The following CCNH variants were observed in gnomAD, a reference collection of about 807,000 sequenced individuals.
CCNH encodes cyclin-H.
Under a neutral mutation model 41.9 loss-of-function variants are expected in CCNH, and 31 were observed. The ratio of observed to expected loss-of-function variants is 0.74; its 90% CI spans 0.56 to 1.00. The LOEUF is 1.00. CCNH is among the 50% of genes least tolerant of loss of function. The probability of loss-of-function intolerance (pLI) is 0.00; values close to 1 mark genes in which losing one functional copy is unlikely to be tolerated. For synonymous variants in CCNH, 138 were observed against 136.1 expected (o/e 1.01, Z -0.10); for missense variants, 362 against 388.4 (o/e 0.93, Z 0.57).
At chr5:87,394,993 C>T in intron 8 of CCNH, 51 bp downstream of exon 8, 1 of 1,611,952 alleles carries the variant, frequency 6.2e-7, no homozygotes, top group Non-Finnish European at 8.5e-7. Context: ...ATAGTCACAC[C>T]AGAATGTATA....
intron 9 of CCNH, among the ~76,000 whole-genome samples, chr5:87,333,010 A>C (rs959195259): frequency 1.3e-5 from 2 of 152,140 alleles, no homozygotes; most frequent in African/African-American, 4.8e-5. Context: ...TTCATGTAGT[A>C]TATTTAAAAT....
At chr5:87,332,005 GA>G (rs1238070751) in intron 9 of CCNH, among the ~76,000 whole-genome samples, 1 of 151,850 alleles carries the variant, frequency 6.6e-6, no homozygotes, top group Non-Finnish European at 1.5e-5. Context: ...AGAAGAAATT[GA>G]AAAAAATCAT....
chr5:87,377,348 C>A (rs148788866), upstream of CCNH, among the ~76,000 whole-genome samples: 11 of 152,048 alleles, frequency 7.2e-5, no homozygotes, highest in African/African-American at 9.6e-5. Flanking sequence ...TTTTTATTTT[C>A]TTTTGAGATG....
chr5:87,388,841 A>G (rs1762252246), downstream of CCNH, among the ~76,000 whole-genome samples: 1 of 152,200 alleles, frequency 6.6e-6, no homozygotes, highest in African/African-American at 2.4e-5. Flanking sequence ...GCTGCATTTA[A>G]TCCAGATTAG....
At chr5:87,374,228 A>G (rs376280581), downstream of CCNH, 10 of 1,596,402 alleles carry the variant, frequency 6.3e-6, no homozygotes, top group African/African-American at 2.7e-5. Flanking sequence ...TTACTAATCC[A>G]TATTGTAACA....
chr5:87,386,775 C>G (rs1184264295), downstream of CCNH: 3 of 1,510,112 alleles, frequency 2.0e-6, no homozygotes, highest in East Asian at 2.3e-5. Flanking sequence ...CCTAATAGAT[C>G]AAACAGTGGT....
downstream of CCNH, chr5:87,391,424 G>T (rs1223643868): frequency 8.2e-6 from 2 of 244,004 alleles, no homozygotes; most frequent in South Asian, 1.4e-4. Context: ...AATCTTTGCT[G>T]TATACTTTTA....
chr5:87,403,600 G>A (rs1025475395), intron 5 of CCNH, among the ~76,000 whole-genome samples: 1 of 152,080 alleles, frequency 6.6e-6, no homozygotes, highest in Non-Finnish European at 1.5e-5. Flanking sequence ...GCAGCATAGG[G>A]AAACCCCAAC....
At chr5:87,319,593 G>C (rs1488909299) in intron 9 of CCNH, among the ~76,000 whole-genome samples, 1 of 152,188 alleles carries the variant, frequency 6.6e-6, no homozygotes, top group Non-Finnish European at 1.5e-5. Context: ...TGGAGCTGGA[G>C]TGGCTGGGAT....
chr5:87,383,010 T>C (rs778522858), intron 9 of CCNH, among the ~76,000 whole-genome samples: 2 of 152,066 alleles, frequency 1.3e-5, no homozygotes. Context: ...GAGAATTGTT[T>C]GATCCCAGGG....
At chr5:87,378,422 A>G (rs1297460918), upstream of CCNH, 1 of 1,613,430 alleles carries the variant, frequency 6.2e-7, no homozygotes. Context: ...ATTTCGAGCC[A>G]CAACACTTGC....
downstream of CCNH, among the ~76,000 whole-genome samples, chr5:87,316,589 C>T (rs138133487): frequency 1.7e-3 from 254 of 152,196 alleles, 1 homozygote; most frequent in African/African-American, 5.9e-3. Context: ...AGACCTGTCC[C>T]ACAGAGACTT....
chr5:87,410,670 C>T (rs1764164057), intron 2 of CCNH, among the ~76,000 whole-genome samples: 1 of 152,130 alleles, frequency 6.6e-6, no homozygotes, highest in Non-Finnish European at 1.5e-5. Flanking sequence ...TTTTTAATCT[C>T]AGCTACCTGT....
downstream of CCNH, chr5:87,391,075 C>A: frequency 1.5e-6 from 1 of 666,936 alleles, no homozygotes. Flanking sequence ...GCTATCTGTG[C>A]AGGATATTTG....
chr5:87,354,403 A>G (rs1332408311), intron 9 of CCNH, among the ~76,000 whole-genome samples: 1 of 151,968 alleles, frequency 6.6e-6, no homozygotes, highest in Non-Finnish European at 1.5e-5. Flanking sequence ...TCACTATTAT[A>G]TGTTATGTTG....
At chr5:87,379,384 T>G (rs1302006097), upstream of CCNH, among the ~76,000 whole-genome samples, 1 of 152,182 alleles carries the variant, frequency 6.6e-6, no homozygotes, top group Non-Finnish European at 1.5e-5. Context: ...GGAAAAGTTC[T>G]GAGAAAGGTT....
At chr5:87,382,402 C>T (rs1373738705) in intron 9 of CCNH, among the ~76,000 whole-genome samples, 1 of 152,128 alleles carries the variant, frequency 6.6e-6, no homozygotes, top group South Asian at 2.1e-4. Context: ...ATCTATTAAT[C>T]TATAGAAGGA....
downstream of CCNH, among the ~76,000 whole-genome samples, chr5:87,316,009 T>C (rs953817815): frequency 6.6e-6 from 1 of 152,234 alleles, no homozygotes; most frequent in South Asian, 2.1e-4. Context: ...TTAAAAAAAT[T>C]ATGGACACTA....
intron 2 of CCNH, among the ~76,000 whole-genome samples, chr5:87,409,932 C>CT (rs1291948088): frequency 6.6e-6 from 1 of 152,114 alleles, no homozygotes; most frequent in Non-Finnish European, 1.5e-5. Flanking sequence ...AAACACGAAA[C>CT]TATCATCATG....
Sources: gnomAD v4.1 joint callset for allele counts (sites outside exome capture counted in the v4.1 genomes callset) on GRCh38, gnomAD v4.1.1 for gene constraint, MANE v1.5 for transcripts, NCBI Gene and HGNC (gene_info 2026-07-23, HGNC 2026-07-21) for gene names.